Variants in ALOX15B observed in about 807,000 individuals in gnomAD.
The protein encoded by ALOX15B is arachidonate 15-lipoxygenase type B.
ALOX15B carries 74 observed loss-of-function variants against 73.8 expected under a neutral mutation model. That is an observed-to-expected ratio of 1.00 (90% CI 0.83 to 1.22). The LOEUF is 1.22. Among genes scored for constraint, ALOX15B ranks in the 50% most tolerant of loss-of-function variants. The pLI is 0.00. For missense variants in ALOX15B, 896 were observed against 859.9 expected, an observed-to-expected ratio of 1.04 and a Z score of -0.52; for synonymous variants, 353 against 357.2, an observed-to-expected ratio of 0.99 and a Z score of 0.13.
At chr17:8,041,571 CT>C (rs1357940584) in intron 3 of ALOX15B, among the ~76,000 whole-genome samples, 1 of 152,206 alleles carries the variant, frequency 6.6e-6, no homozygotes, top group Non-Finnish European at 1.5e-5. Flanking sequence ...TGGCAGTGTA[CT>C]TTAATTGCAA....
Position 8,039,088 on chromosome 17 carries a change from C to A in ALOX15B, c.-68C>A. Reference sequence around the variant, plus strand: ...GCAATAACCAGGGGCAATAACCAGGCGTGTCCCAGGGGGGAGCCCCGCTCT... The same window carrying A: ...GCAATAACCAGGGGCAATAACCAGGAGTGTCCCAGGGGGGAGCCCCGCTCT... On this transcript the variant is annotated 5_prime_UTR_variant, in exon 1 of 14. Coordinates refer to ENST00000380183, the MANE Select transcript of ALOX15B (RefSeq NM_001141.3). 8 of 1,558,738 alleles carry A rather than the reference C, an allele frequency of 5.1e-6. No homozygotes were observed. The highest frequency in any genetic ancestry group is 6.9e-6 in the Non-Finnish European group (8 of 1,156,060).
At position 8,039,109 on chromosome 17, in the gene ALOX15B, G is replaced by C. The variant is rs1293590462; in HGVS notation, c.-47G>C. 4 of 1,573,486 alleles carry C rather than the reference G, an allele frequency of 2.5e-6. No individual in the cohort carries two copies. The Admixed American group carries it at 7.3e-5, about 29-fold the overall frequency. ...CAGGCGTGTCCCAGGGGGGAGCCCC[G>C]CTCTGCAGCCCTGTGCGCCGTAGAG... On this transcript the variant is annotated 5_prime_UTR_variant, in exon 1 of 14. Coordinates refer to ENST00000380183, the MANE Select transcript of ALOX15B (RefSeq NM_001141.3).
At position 8,048,343 on chromosome 17, in the gene ALOX15B, G is replaced by A. The variant is rs371948581; in HGVS notation, c.1852-43G>A. On this transcript the variant is annotated intron_variant, in intron 13 of 13. Transcript: ENST00000380183. ...TGGGGACCAGGAGTCTGGGATGCAG[G>A]ACCTCAGCAGCCGCCTCACCCAACC... 8 of 1,579,840 alleles carry A rather than the reference G, an allele frequency of 5.1e-6. No individual in the cohort carries two copies. The African/African-American group carries it at 8.1e-5, about 16-fold the overall frequency.
chr17:8,044,105 G>GAGAGGAAGGAAGGAAGGA (rs1355114653), intron 5 of ALOX15B, among the ~76,000 whole-genome samples: 3 of 62,380 alleles, frequency 4.8e-5, no homozygotes, highest in Admixed American at 1.8e-4. Context: ...GAGAGAGAGA[G>GAGAGGAAGGAAGGAAGGA]AGGAAGGAAG....
intron 5 of ALOX15B, among the ~76,000 whole-genome samples, chr17:8,044,151 G>GGAAGGAAGGAAGGAAGGAAAGAAA (rs796365678): frequency 5.4e-4 from 62 of 114,678 alleles, no homozygotes; most frequent in Admixed American, 9.3e-4. Flanking sequence ...AAGGAAGGAA[G>GGAAGGAAGGAAGGAAGGAAAGAAA]GAAAGAAAGA....
intron 3 of ALOX15B, among the ~76,000 whole-genome samples, chr17:8,040,601 G>GACAAAGAA (rs1555638442): frequency 5.5e-5 from 6 of 109,528 alleles, no homozygotes; most frequent in African/African-American, 2.2e-4. Flanking sequence ...AAGAAAGAGA[G>GACAAAGAA]AGAAAGAAAG....
In ALOX15B at chr17:8,039,929, C is replaced by A; in HGVS notation, c.395C>A (p.Pro132His). ...AAGGTGTCCTGGGCAGACCACCACC[C>A]TGTGCTCCAGCAACAGCGCCAGGAG... ...TAKVSWADHH[P>H]VLQQQRQEEL... Residue 132 changes from proline (P) to histidine (H), a missense_variant, in exon 3 of 14, where the codon CCT (proline) becomes CAT (histidine). Pro to His is a moderately conservative substitution (Grantham distance 77). Coordinates refer to ENST00000380183, the MANE Select transcript of ALOX15B (RefSeq NM_001141.3). The A allele has an allele frequency of 6.2e-7, 1 of 1,613,690 alleles. No individual in the cohort carries two copies. The highest frequency in any genetic ancestry group is 1.3e-5 in the African/African-American group (1 of 74,936).
At chr17:8,042,286 C>A (rs1377217727) in intron 3 of ALOX15B, 83 bp from the exon 4 acceptor site, 11 of 1,548,326 alleles carry the variant, frequency 7.1e-6, no homozygotes, top group Non-Finnish European at 7.9e-6. Flanking sequence ...ACCAGGCCCC[C>A]CAAGGGGACT....
At chr17:8,039,722 G>C in intron 2 of ALOX15B, 117 bp downstream of exon 2, 1 of 1,234,974 alleles carries the variant, frequency 8.1e-7, no homozygotes, top group Non-Finnish European at 1.1e-6. Flanking sequence ...ACAGAGTAGC[G>C]GGCAGAGGAG....
At chr17:8,040,730 G>A (rs4297769) in intron 3 of ALOX15B, among the ~76,000 whole-genome samples, 45,788 of 151,546 alleles carry the variant, frequency 0.3, 7,595 homozygotes, top group Non-Finnish European at 0.38. Flanking sequence ...TTCATGCATC[G>A]GCTTGTTGTG....
chr17:8,043,726 G>A (rs929412654), intron 5 of ALOX15B, among the ~76,000 whole-genome samples: 1 of 152,122 alleles, frequency 6.6e-6, no homozygotes. Context: ...AGGTACTCAG[G>A]ATGGAGAATC....
intron 3 of ALOX15B, 42 bp from the exon 4 acceptor site, chr17:8,042,327 C>T (rs998041625): frequency 1.9e-6 from 3 of 1,607,984 alleles, no homozygotes; most frequent in South Asian, 1.1e-5. Context: ...AAAGAGTCTC[C>T]CTGAGGCCTC....
At chr17:8,040,601 G>A (rs201363584) in intron 3 of ALOX15B, among the ~76,000 whole-genome samples, 2,180 of 109,430 alleles carry the variant, frequency 0.02, 35 homozygotes, top group South Asian at 0.073. Context: ...AAGAAAGAGA[G>A]AGAAAGAAAG....
chr17:8,045,073 C>G, intron 6 of ALOX15B, 72 bp downstream of exon 6: 3 of 1,592,350 alleles, frequency 1.9e-6, no homozygotes, highest in Non-Finnish European at 2.6e-6. Flanking sequence ...CTACTGGAGA[C>G]AGAGGGGCAC....
chr17:8,042,217 G>T, intron 3 of ALOX15B, 152 bp from the exon 4 acceptor site: 1 of 952,664 alleles, frequency 1.0e-6, no homozygotes, highest in Non-Finnish European at 1.5e-6. Flanking sequence ...CAGCCTCCTT[G>T]GGTAGAATGG....
intron 3 of ALOX15B, among the ~76,000 whole-genome samples, chr17:8,040,660 G>GAGAA (rs1976440551): frequency 8.3e-6 from 1 of 120,734 alleles, no homozygotes; most frequent in Non-Finnish European, 1.8e-5. Context: ...AGAAAAGAAA[G>GAGAA]AGAAAGAAAC....
chr17:8,042,504 ACCCTT>A lies in ALOX15B; in HGVS notation c.572+18_572+22del. On this transcript the variant is annotated intron_variant, in intron 4 of 13. Coordinates refer to ENST00000380183, the MANE Select transcript of ALOX15B (RefSeq NM_001141.3). The stretch of plus-strand genomic sequence containing the variant: ...AGGCTGGCTCTGCGTGAGGATGCCC[ACCCTT>A]CCCTGCCCCTGGGCCTCAGATGCCC... The A allele has an allele frequency of 6.2e-7, 1 of 1,611,322 alleles. No homozygotes were observed.
At position 8,047,780 on chromosome 17, in the gene ALOX15B, C is replaced by T; in HGVS notation, c.1716C>T (p.Pro572=). Residue 572 remains proline (P), a synonymous_variant, in exon 13 of 14, where the codon CCC becomes CCT. Transcript: ENST00000380183. The part of the protein sequence containing the change: ...DSCAWMPNLP[P]SMQLPPPTSK... ...GTGCTTGGATGCCCAACCTGCCACC[C>T]AGCATGCAGCTGCCACCACCCACCT... The T allele has an allele frequency of 6.2e-7, 1 of 1,614,174 alleles. No individual in the cohort carries two copies. The highest frequency in any genetic ancestry group is 8.5e-7 in the Non-Finnish European group (1 of 1,180,024).
rs577207398 is a variant in ALOX15B, at chr17:8,047,075, C to T, written c.1456C>T (p.Arg486Cys). The change falls in exon 10 of 14, where the codon CGC (arginine) becomes TGC (cysteine). Residue 486 changes from arginine (R) to cysteine (C), a missense_variant and splice_region_variant. Physicochemically the swap from Arg to Cys is radical, Grantham distance 180 (BLOSUM62 -3). Transcript: ENST00000380183. The part of the protein sequence containing the change: ...DGMQIWGAVE[R>C]FVSEIIGIYY... Reference sequence around the variant, plus strand: ...GATGCAGATCTGGGGTGCAGTGGAACGGTGAGGGGCCGTCCCTGGAGAGCC... The same window carrying T: ...GATGCAGATCTGGGGTGCAGTGGAATGGTGAGGGGCCGTCCCTGGAGAGCC... 1.9e-5 allele frequency: 31 copies of T among 1,613,358 alleles called. No individual in the cohort carries two copies. Among genetic ancestry groups the T allele is most frequent in the South Asian group, 6.6e-5 (6 of 91,064 alleles).
Sources: gnomAD v4.1 joint callset for allele counts (sites outside exome capture counted in the v4.1 genomes callset) on GRCh38, gnomAD v4.1.1 for gene constraint, MANE v1.5 for transcripts, NCBI Gene and HGNC (gene_info 2026-07-23, HGNC 2026-07-21) for gene names.